CDH13: variants seen among roughly 807,000 people sequenced by gnomAD.
The protein encoded by CDH13 is cadherin 13, also known as cadherin-13.
In CDH13, 24 loss-of-function variants were observed where a neutral mutation model predicts 63.8. The ratio of observed to expected loss-of-function variants is 0.38; its 90% CI spans 0.27 to 0.53. The LOEUF (loss-of-function observed/expected upper bound fraction) is 0.53, where lower values mean the gene tolerates loss of function less well. CDH13 is among the 20% of genes least tolerant of loss of function. The probability of loss-of-function intolerance (pLI) is 0.85; values close to 1 mark genes in which losing one functional copy is unlikely to be tolerated. For missense variants in CDH13, 1,049 were observed against 903.1 expected (o/e 1.16, Z -2.07); for synonymous variants, 503 against 355.3 (o/e 1.42, Z -4.67).
chr16:83,725,155 C>T (rs1910233237), intron 10 of CDH13, among the ~76,000 whole-genome samples: 1 of 152,190 alleles, frequency 6.6e-6, no homozygotes, highest in Non-Finnish European at 1.5e-5. Context: ...GCACATCAGT[C>T]AAAGTCAAGG....
chr16:83,714,198 G>A (rs1908537179), intron 10 of CDH13, among the ~76,000 whole-genome samples: 1 of 152,178 alleles, frequency 6.6e-6, no homozygotes, highest in African/African-American at 2.4e-5. Flanking sequence ...ATAGTAAATG[G>A]CACTTTAGAC....
intron 1 of CDH13, among the ~76,000 whole-genome samples, chr16:82,822,975 G>A (rs2038074303): frequency 1.3e-5 from 2 of 152,262 alleles, no homozygotes; most frequent in Non-Finnish European, 1.5e-5. Context: ...ACCTGGGTGT[G>A]GAACAGAGAG....
At chr16:83,481,628 G>C (rs997533955) in intron 6 of CDH13, among the ~76,000 whole-genome samples, 1 of 152,152 alleles carries the variant, frequency 6.6e-6, no homozygotes, top group South Asian at 2.1e-4. Context: ...CGTGTCCTTC[G>C]GCAAAAGAAA....
chr16:83,695,337 G>C (rs1430915651), intron 10 of CDH13, among the ~76,000 whole-genome samples: 1 of 152,260 alleles, frequency 6.6e-6, no homozygotes, highest in Non-Finnish European at 1.5e-5. Flanking sequence ...CTGTGCGCAA[G>C]CTCCTTTTCC....
chr16:82,683,935 C>G (rs193153145), intron 1 of CDH13, among the ~76,000 whole-genome samples: 1 of 152,198 alleles, frequency 6.6e-6, no homozygotes, highest in Non-Finnish European at 1.5e-5. Context: ...CTAATAAAAA[C>G]ATGACACATT....
intron 3 of CDH13, among the ~76,000 whole-genome samples, chr16:83,079,677 A>G (rs1431942264): frequency 6.6e-6 from 1 of 152,226 alleles, no homozygotes; most frequent in Non-Finnish European, 1.5e-5. Flanking sequence ...TATAAATAAA[A>G]GATTGGAGAA....
chr16:82,801,159 C>T (rs776925650), intron 1 of CDH13, among the ~76,000 whole-genome samples: 1 of 152,172 alleles, frequency 6.6e-6, no homozygotes, highest in Non-Finnish European at 1.5e-5. Context: ...GCTTCCTAAC[C>T]TCTCAGACTC....
intron 1 of CDH13, among the ~76,000 whole-genome samples, chr16:82,634,164 A>C (rs1908367860): frequency 6.6e-6 from 1 of 152,254 alleles, no homozygotes; most frequent in Non-Finnish European, 1.5e-5. Context: ...CAGCCCTGCC[A>C]CATGCCTGGG....
At chr16:83,728,381 T>G (rs942871053) in intron 10 of CDH13, among the ~76,000 whole-genome samples, 4 of 137,062 alleles carry the variant, frequency 2.9e-5, no homozygotes, top group African/African-American at 1.0e-4. Context: ...TACATTTAGT[T>G]TGAGTCCCTA....
intron 8 of CDH13, among the ~76,000 whole-genome samples, chr16:83,658,864 C>T (rs961437232): frequency 4.2e-5 from 6 of 144,352 alleles, no homozygotes; most frequent in Non-Finnish European, 7.6e-5. Context: ...TCCTCACCAG[C>T]AAGGTCTCCT....
intron 6 of CDH13, among the ~76,000 whole-genome samples, chr16:83,377,486 G>T (rs1440008505): frequency 6.6e-6 from 1 of 152,104 alleles, no homozygotes; most frequent in Non-Finnish European, 1.5e-5. Flanking sequence ...AAACTCTTGG[G>T]TGAGCTTTAT....
At chr16:83,052,340 T>G (rs1304420060) in intron 3 of CDH13, among the ~76,000 whole-genome samples, 1 of 152,224 alleles carries the variant, frequency 6.6e-6, no homozygotes, top group Non-Finnish European at 1.5e-5. Flanking sequence ...AGATGTAAGA[T>G]TAACAATTCA....
Position 83,276,607 on chromosome 16 carries a change from G to A in CDH13, c.636+59110G>A, listed in dbSNP as rs138907913. Among the ~76,000 whole-genome samples, 898 of 152,184 alleles carry A rather than the reference G, an allele frequency of 5.9e-3. 9 individuals carry two copies. The highest frequency in any genetic ancestry group is 0.016 in the African/African-American group (676 of 41,518). On this transcript the variant is annotated intron_variant, in intron 5 of 13. Transcript: ENST00000567109. ...CATCTTGGGCCAGGCGTGGTGGCTC[G>A]CGCCTGTAATCCCAGCACTTTGGGA... is the stretch of plus-strand genomic sequence containing the variant.
At chr16:82,696,471 G>A (rs2030303874) in intron 1 of CDH13, among the ~76,000 whole-genome samples, 1 of 152,150 alleles carries the variant, frequency 6.6e-6, no homozygotes, top group Admixed American at 6.5e-5. Context: ...CTTTGACATG[G>A]CAACATGAAT....
At chr16:82,986,260 C>T (rs1910924615) in intron 2 of CDH13, among the ~76,000 whole-genome samples, 1 of 152,194 alleles carries the variant, frequency 6.6e-6, no homozygotes, top group Non-Finnish European at 1.5e-5. Flanking sequence ...CTGAGTAACA[C>T]TTGGCAACCA....
chr16:83,153,021 A>T (rs989896389), intron 4 of CDH13, among the ~76,000 whole-genome samples: 2 of 152,176 alleles, frequency 1.3e-5, no homozygotes, highest in South Asian at 4.1e-4. Context: ...TAGTGGGTTC[A>T]CCTTACCTGC....
intron 2 of CDH13, among the ~76,000 whole-genome samples, chr16:83,015,402 C>T (rs541341897): frequency 6.0e-5 from 9 of 150,854 alleles, no homozygotes; most frequent in African/African-American, 1.9e-4. Context: ...TTTTGAAAAC[C>T]GTACTGCTAA....
Position 83,646,712 on chromosome 16 carries a change from A to AAAAAAC in CDH13, c.1102-24077_1102-24076insAAAACA, listed in dbSNP as rs1168012793. On this transcript the variant is annotated intron_variant, in intron 8 of 13. Coordinates refer to ENST00000567109, the MANE Select transcript of CDH13 (RefSeq NM_001257.5). ...CGTCTCAAAAAAAAAAAAAAAAAAA[A>AAAAAAC]ACACACACACACACACACACACACA... is the stretch of plus-strand genomic sequence containing the variant. 2.7e-3 allele frequency among the ~76,000 whole-genome samples: 214 copies of AAAAAAC among 80,500 alleles called. 19 individuals are homozygous for AAAAAAC. The highest frequency in any genetic ancestry group is 7.5e-3 in the Middle Eastern group (1 of 134). 52.8% of individuals were successfully genotyped at this position (80,500 alleles called of 152,430 possible). A position where few individuals can be genotyped will look rare whatever the true frequency, so the allele number is the denominator to read the frequency against.
rs150895204 is a variant in CDH13, at chr16:83,143,946, G to A, written c.483+18445G>A. On this transcript the variant is annotated intron_variant, in intron 4 of 13. Coordinates refer to ENST00000567109, the MANE Select transcript of CDH13 (RefSeq NM_001257.5). ...TGGTCTAGAATCAACATAGTGAGACGAGACAGAAGGCTGGTGGTTGCTGCT... is the reference window on the plus strand; with the variant it reads ...TGGTCTAGAATCAACATAGTGAGACAAGACAGAAGGCTGGTGGTTGCTGCT... Among the ~76,000 whole-genome samples the A allele has an allele frequency of 1.2e-4, 19 of 152,230 alleles. No individual in the cohort carries two copies. In the East Asian group the frequency reaches 3.5e-3, roughly 28 times the overall value.
Sources: gnomAD v4.1 joint callset for allele counts (sites outside exome capture counted in the v4.1 genomes callset) on GRCh38, gnomAD v4.1.1 for gene constraint, MANE v1.5 for transcripts, NCBI Gene and HGNC (gene_info 2026-07-23, HGNC 2026-07-21) for gene names.